Variants in PTK2 observed in about 807,000 individuals in gnomAD.
PTK2 encodes the protein focal adhesion kinase 1.
PTK2 carries 45 observed loss-of-function variants against 150.1 expected under a neutral mutation model. The ratio of observed to expected loss-of-function variants is 0.30; its 90% confidence interval spans 0.24 to 0.38. PTK2 has a LOEUF of 0.38. PTK2 is among the 10% of genes least tolerant of loss of function. PTK2 has a pLI of 1.00. For missense variants in PTK2, 919 were observed against 1,307.3 expected (o/e 0.70, Z 4.58); for synonymous variants, 432 against 449.2 (o/e 0.96, Z 0.48).
chr8:140,805,796 C>A (rs2100097842), intron 10 of PTK2, among the ~76,000 whole-genome samples: 1 of 152,176 alleles, frequency 6.6e-6, no homozygotes. Flanking sequence ...AGTTTCCCTT[C>A]ATCCATGCTA....
intron 17 of PTK2, among the ~76,000 whole-genome samples, chr8:140,748,842 A>C (rs1286270414): frequency 1.3e-5 from 2 of 152,208 alleles, no homozygotes; most frequent in Non-Finnish European, 2.9e-5. Flanking sequence ...ATAGGATCTC[A>C]AAACTGGAAG....
intron 26 of PTK2, among the ~76,000 whole-genome samples, chr8:140,692,383 G>T (rs552933917): frequency 6.6e-6 from 1 of 152,172 alleles, no homozygotes; most frequent in South Asian, 2.1e-4. Context: ...ATGGGAGGCC[G>T]AGGTGGGTGG....
intron 22 of PTK2, among the ~76,000 whole-genome samples, chr8:140,731,336 C>T (rs1325957986): frequency 2.6e-5 from 4 of 152,210 alleles, no homozygotes; most frequent in Non-Finnish European, 4.4e-5. Context: ...TGCTAGAGTA[C>T]GCATTATAAG....
At chr8:140,879,702 C>CAA in intron 3 of PTK2, 65 bp from the exon 4 acceptor site, 1 of 661,576 alleles carries the variant, frequency 1.5e-6, no homozygotes, top group East Asian at 5.7e-5. Flanking sequence ...AAAAAAAAAA[C>CAA]CAAAACAAAA....
intron 29 of PTK2, among the ~76,000 whole-genome samples, chr8:140,673,487 G>T (rs1212993715): frequency 6.6e-6 from 1 of 152,124 alleles, no homozygotes; most frequent in African/African-American, 2.4e-5. Context: ...CAATTTTAGA[G>T]ATATTAAAAT....
At position 140,969,315 on chromosome 8, in the gene PTK2, C is replaced by G. The variant is rs534888737; in HGVS notation, c.-122+31810G>C. Among the ~76,000 whole-genome samples, 419 of 152,252 alleles carry G rather than the reference C, an allele frequency of 2.8e-3. 2 individuals carry two copies. The highest frequency in any genetic ancestry group is 3.3e-3 in the Non-Finnish European group (225 of 68,022). ...TCAAGACAAGCCAATACTGAGATGA[C>G]ACAAAGGTCAGAATTATCTCACAAA... On this transcript the variant is annotated intron_variant, in intron 1 of 31. Coordinates refer to ENST00000522684, the Ensembl canonical transcript of PTK2.
chr8:140,887,503 T>C (rs1457971193), intron 3 of PTK2, among the ~76,000 whole-genome samples: 2 of 152,204 alleles, frequency 1.3e-5, no homozygotes, highest in Non-Finnish European at 2.9e-5. Context: ...TGAAGCATGA[T>C]AAAGGCTCTA....
At chr8:140,764,124 C>G (rs1313428577) in intron 15 of PTK2, 110 bp downstream of exon 17, 1 of 883,040 alleles carries the variant, frequency 1.1e-6, no homozygotes, top group African/African-American at 1.6e-5. Flanking sequence ...TGTTCAGCAT[C>G]CAAGGAAGTA....
At chr8:140,719,933 A>G (rs145487761) in intron 22 of PTK2, among the ~76,000 whole-genome samples, 2,790 of 151,602 alleles carry the variant, frequency 0.018, 40 homozygotes, top group Non-Finnish European at 0.023. Flanking sequence ...AACAACAACA[A>G]CAACAACAAC....
chr8:140,873,857 G>C (rs531641852), intron 4 of PTK2, among the ~76,000 whole-genome samples: 138 of 152,232 alleles, frequency 9.1e-4, no homozygotes, highest in African/African-American at 3.1e-3. Flanking sequence ...ACTTGTTCTT[G>C]TACTTTCAAA....
chr8:140,828,892 T>C (rs2100113565), intron 8 of PTK2, among the ~76,000 whole-genome samples: 1 of 152,186 alleles, frequency 6.6e-6, no homozygotes, highest in African/African-American at 2.4e-5. Flanking sequence ...TTCTCTCTCA[T>C]TCCCCTTCCA....
chr8:140,787,628 C>T (rs535376900), intron 14 of PTK2, among the ~76,000 whole-genome samples: 1 of 152,262 alleles, frequency 6.6e-6, no homozygotes, highest in African/African-American at 2.4e-5. Flanking sequence ...ACAGGAGGAA[C>T]AAGATTTGAA....
At chr8:140,757,281 T>C (rs1000468927) in intron 16 of PTK2, among the ~76,000 whole-genome samples, 1 of 152,182 alleles carries the variant, frequency 6.6e-6, no homozygotes, top group African/African-American at 2.4e-5. Context: ...ATTTGTCTGT[T>C]TGTTTCTTTT....
At chr8:140,828,110 G>A (rs1028226938) in intron 8 of PTK2, among the ~76,000 whole-genome samples, 9 of 150,584 alleles carry the variant, frequency 6.0e-5, no homozygotes, top group African/African-American at 1.2e-4. Flanking sequence ...AGGTTGCAGC[G>A]AGTCGAGATC....
At chr8:140,932,739 T>G (rs2100172295) in intron 1 of PTK2, among the ~76,000 whole-genome samples, 1 of 152,198 alleles carries the variant, frequency 6.6e-6, no homozygotes, top group Non-Finnish European at 1.5e-5. Flanking sequence ...TTCACTCTTT[T>G]TCTGTCCAAG....
Position 140,978,156 on chromosome 8 carries a change from C to T in PTK2, c.-122+22969G>A, listed in dbSNP as rs1417747286. Among the ~76,000 whole-genome samples, 4 of 152,282 alleles carry T rather than the reference C, an allele frequency of 2.6e-5. No homozygotes were observed. The East Asian group carries it at 7.7e-4, about 29-fold the overall frequency. On this transcript the variant is annotated intron_variant, in intron 1 of 31. Coordinates refer to ENST00000522684, the Ensembl canonical transcript of PTK2. ...TGTTAGACCTAAAACCATAAAAACC[C>T]TAGAAGAAAACCTAGGCAATACCAT...
At chr8:140,801,049 A>C (rs1051350551) in intron 11 of PTK2, among the ~76,000 whole-genome samples, 8 of 152,242 alleles carry the variant, frequency 5.3e-5, no homozygotes, top group African/African-American at 1.9e-4. Flanking sequence ...GGGCTTAGAA[A>C]TCATTCTCTT....
At chr8:140,947,787 T>C (rs1192454547) in intron 1 of PTK2, among the ~76,000 whole-genome samples, 1 of 152,090 alleles carries the variant, frequency 6.6e-6, no homozygotes, top group East Asian at 1.9e-4. Flanking sequence ...CCATGAGGTA[T>C]TGGGGAGGGC....
intron 27 of PTK2, among the ~76,000 whole-genome samples, chr8:140,686,058 A>G (rs571291262): frequency 2.0e-5 from 3 of 152,242 alleles, no homozygotes; most frequent in Non-Finnish European, 4.4e-5. Context: ...GTAGCCACAA[A>G]AAGAATGAGA....
Sources: gnomAD v4.1 joint callset for allele counts (sites outside exome capture counted in the v4.1 genomes callset) on GRCh38, gnomAD v4.1.1 for gene constraint, MANE v1.5 for transcripts, NCBI Gene and HGNC (gene_info 2026-07-23, HGNC 2026-07-21) for gene names.